MITF: variants seen among roughly 807,000 people sequenced by gnomAD.
The protein encoded by MITF is microphthalmia-associated transcription factor.
Under a neutral mutation model 60.5 loss-of-function variants are expected in MITF, and 17 were observed. The observed-to-expected ratio is 0.28, with a 90% confidence interval of 0.19 to 0.42. The LOEUF is 0.42. MITF is among the 10% of genes least tolerant of loss of function. The pLI, the probability that MITF is intolerant of heterozygous loss-of-function variation, is 1.00. For synonymous variants in MITF, 260 were observed against 248.5 expected (o/e 1.05, Z -0.43); for missense variants, 622 against 683.5 (o/e 0.91, Z 1.00).
At chr3:69,836,107 T>C (rs1460408350) in intron 1 of MITF, among the ~76,000 whole-genome samples, 1 of 152,190 alleles carries the variant, frequency 6.6e-6, no homozygotes, top group African/African-American at 2.4e-5. Context: ...TTCATGGACA[T>C]GGAATATCTT....
intron 1 of MITF, among the ~76,000 whole-genome samples, chr3:69,831,117 G>A (rs1407408978): frequency 1.3e-5 from 2 of 152,146 alleles, no homozygotes; most frequent in Non-Finnish European, 2.9e-5. Context: ...CAAGCAGTTA[G>A]CATAGTACCA....
intron 1 of MITF, among the ~76,000 whole-genome samples, chr3:69,806,172 C>T (rs1023215858): frequency 2.0e-5 from 3 of 151,616 alleles, no homozygotes; most frequent in Admixed American, 2.0e-4. Flanking sequence ...GCAACTTCTG[C>T]CTCCCGGGTT....
At chr3:69,845,860 C>T (rs1307351271) in intron 1 of MITF, among the ~76,000 whole-genome samples, 2 of 152,150 alleles carry the variant, frequency 1.3e-5, no homozygotes, top group Non-Finnish European at 2.9e-5. Context: ...CTTAGAGCCG[C>T]GAGCTTCCTC....
chr3:69,951,710 C>G (rs2066259687), intron 6 of MITF, 102 bp from the exon 7 acceptor site: 2 of 874,730 alleles, frequency 2.3e-6, no homozygotes, highest in Admixed American at 1.9e-5. Context: ...AGAGTCAAGT[C>G]AAATAAGCTT....
Sources: allele counts gnomAD v4.1 joint callset (sites outside exome capture counted in the v4.1 genomes callset), GRCh38; gene constraint gnomAD v4.1.1; transcripts MANE v1.5; gene names NCBI Gene and HGNC (gene_info 2026-07-23, HGNC 2026-07-21).